SERINC5: variants seen among roughly 807,000 people sequenced by gnomAD.
SERINC5 encodes the protein serine incorporator 5.
In SERINC5, 41 loss-of-function variants were observed where a neutral mutation model predicts 63.1. That is an observed-to-expected ratio of 0.65 (90% CI 0.51 to 0.84). SERINC5 has a LOEUF of 0.84. Ranked by LOEUF, SERINC5 falls within the 40% of genes least tolerant of loss-of-function variation. The probability of loss-of-function intolerance (pLI) is 0.00; values close to 1 mark genes in which losing one functional copy is unlikely to be tolerated. For missense variants in SERINC5, 523 were observed against 573.0 expected (o/e 0.91, Z 0.89); for synonymous variants, 222 against 215.2 (o/e 1.03, Z -0.28).
At chr5:80,124,184 T>A (rs1744652039) in intron 11 of SERINC5, among the ~76,000 whole-genome samples, 1 of 152,136 alleles carries the variant, frequency 6.6e-6, no homozygotes, top group Admixed American at 6.5e-5. Flanking sequence ...AGGACTCGAT[T>A]AATAAACTGA....
intron 1 of SERINC5, among the ~76,000 whole-genome samples, chr5:80,224,340 G>C (rs375165358): frequency 4.6e-5 from 7 of 151,888 alleles, no homozygotes; most frequent in African/African-American, 1.7e-4. Context: ...AGCCAGGCTT[G>C]GTGGCACACG....
intron 2 of SERINC5, among the ~76,000 whole-genome samples, chr5:80,195,430 T>C (rs1487872089): frequency 6.6e-6 from 1 of 152,180 alleles, no homozygotes; most frequent in Non-Finnish European, 1.5e-5. Context: ...GTTTTCTCTG[T>C]AGAACACTTA....
intron 5 of SERINC5, among the ~76,000 whole-genome samples, chr5:80,170,985 G>T (rs993732032): frequency 1.3e-5 from 2 of 152,136 alleles, no homozygotes; most frequent in Non-Finnish European, 2.9e-5. Flanking sequence ...TCCAGTTTGG[G>T]CAAGAGTAAG....
chr5:80,234,286 G>A (rs1486254822), intron 1 of SERINC5, among the ~76,000 whole-genome samples: 2 of 152,102 alleles, frequency 1.3e-5, no homozygotes, highest in Non-Finnish European at 2.9e-5. Context: ...TTTAATCTTA[G>A]CACCATTGTT....
chr5:80,225,705 C>T (rs1008359288), intron 1 of SERINC5, among the ~76,000 whole-genome samples: 2 of 152,150 alleles, frequency 1.3e-5, no homozygotes, highest in Admixed American at 6.6e-5. Context: ...AGGGTTATCC[C>T]ATGCACCTGT....
intron 2 of SERINC5, among the ~76,000 whole-genome samples, chr5:80,180,123 TATTCTAG>T (rs1481668553): frequency 1.3e-5 from 2 of 152,354 alleles, no homozygotes; most frequent in Non-Finnish European, 2.9e-5. Context: ...GACAATAGCT[TATTCTAG>T]CCAAATTAGA....
chr5:80,203,602 A>T (rs1749993529), intron 1 of SERINC5, among the ~76,000 whole-genome samples: 1 of 152,130 alleles, frequency 6.6e-6, no homozygotes. Context: ...CATGACCAGG[A>T]AAAAAGAAAA....
chr5:80,152,705 C>T lies in SERINC5; in HGVS notation c.987-1757G>A, dbSNP rs552612269. 3.8e-4 allele frequency among the ~76,000 whole-genome samples: 58 copies of T among 152,262 alleles called. No homozygotes were observed. The South Asian group carries it at 8.7e-3, about 23-fold the overall frequency. The stretch of plus-strand genomic sequence containing the variant: ...CCTGTAATCCCAGCACTTTGGGAGG[C>T]CAAGGCGGGTGGATCCCTTGAGGTC... On this transcript the variant is annotated intron_variant, in intron 8 of 11. Coordinates refer to ENST00000507668, the MANE Select transcript of SERINC5 (RefSeq NM_001174072.3).
chr5:80,242,779 C>T (rs369760484), intron 1 of SERINC5, among the ~76,000 whole-genome samples: 5 of 151,944 alleles, frequency 3.3e-5, no homozygotes, highest in South Asian at 2.1e-4. Context: ...AAAAAGTAAC[C>T]GGGCGTGGTG....
At chr5:80,211,161 G>A (rs1398514837) in intron 1 of SERINC5, among the ~76,000 whole-genome samples, 2 of 152,216 alleles carry the variant, frequency 1.3e-5, no homozygotes, top group African/African-American at 2.4e-5. Context: ...ACCAAAAGGA[G>A]AAGCCAGAAC....
At chr5:80,208,190 CTAATG>C (rs1750261175) in intron 1 of SERINC5, among the ~76,000 whole-genome samples, 1 of 151,894 alleles carries the variant, frequency 6.6e-6, no homozygotes. Flanking sequence ...AGAGGGAATG[CTAATG>C]TAAACCATGG....
At chr5:80,168,830 G>A (rs2112382490) in intron 6 of SERINC5, among the ~76,000 whole-genome samples, 1 of 152,340 alleles carries the variant, frequency 6.6e-6, no homozygotes, top group South Asian at 2.1e-4. Context: ...TACTGAGGAA[G>A]AACCTGGGTC....
chr5:80,202,579 T>C (rs7727507), intron 2 of SERINC5, among the ~76,000 whole-genome samples: 21,840 of 152,026 alleles, frequency 0.14, 1,701 homozygotes, highest in African/African-American at 0.19. Context: ...CATAGCAAAA[T>C]TGCACTTGTA....
rs963417153 is a variant in SERINC5 at position 80,220,629 on chromosome 5, G to A, written c.28-17576C>T. 3.3e-5 allele frequency among the ~76,000 whole-genome samples: 5 copies of A among 152,182 alleles called. No homozygotes were observed. In the East Asian group the frequency reaches 9.6e-4, roughly 29 times the overall value. ...GGCCTCAACACTCAGGGAGCCCCAA[G>A]TGGAGAGCTAGTTTGGGGCCAGGAC... On this transcript the variant is annotated intron_variant, in intron 1 of 11. Coordinates refer to ENST00000507668, the MANE Select transcript of SERINC5 (RefSeq NM_001174072.3).
At chr5:80,187,945 AC>A (rs1748927645) in intron 2 of SERINC5, among the ~76,000 whole-genome samples, 1 of 152,208 alleles carries the variant, frequency 6.6e-6, no homozygotes, top group Non-Finnish European at 1.5e-5. Context: ...CAGATGCAGA[AC>A]AGGATTCAAC....
At chr5:80,227,228 A>G (rs1379909886) in intron 1 of SERINC5, among the ~76,000 whole-genome samples, 2 of 152,222 alleles carry the variant, frequency 1.3e-5, no homozygotes, top group Non-Finnish European at 2.9e-5. Context: ...AAAAAATTTT[A>G]TAAGCTATAC....
chr5:80,177,674 A>G (rs1266423723), intron 3 of SERINC5, among the ~76,000 whole-genome samples: 2 of 152,186 alleles, frequency 1.3e-5, no homozygotes, highest in Non-Finnish European at 2.9e-5. Flanking sequence ...CTTTGTCTTG[A>G]GTAAATTTCG....
Position 80,255,910 on chromosome 5 carries a change from A to T in SERINC5, c.13T>A (p.Cys5Ser). Reference protein sequence around the residue: MSAQCCAGQLACCCG... With the variant: MSAQSCAGQLACCCG... ...GCCTCGCTCACCTGGCCCGCACAGC[A>T]CTGAGCTGACATCGCGGCGGCCAAT... is the stretch of plus-strand genomic sequence containing the variant. Residue 5 changes from cysteine (C) to serine (S), a missense_variant, in exon 1 of 12, where the codon TGC becomes AGC. Physicochemically the swap from Cys to Ser is moderately radical, Grantham distance 112 (BLOSUM62 -1). Transcript: ENST00000507668. 6.3e-7 allele frequency: 1 copy of T among 1,576,194 alleles called. No homozygotes were observed.
Position 80,139,019 on chromosome 5 carries a change from C to T in SERINC5, c.*4644G>A. ...TTAAAAAACAAATAGAAATCCATGA[C>T]TAAAGGGGGAAAATAACTTTCAAAA... is the stretch of plus-strand genomic sequence containing the variant. On this transcript the variant is annotated 3_prime_UTR_variant, in exon 12 of 12. Coordinates refer to ENST00000507668, the MANE Select transcript of SERINC5 (RefSeq NM_001174072.3). 3 of 982,310 alleles carry T rather than the reference C, an allele frequency of 3.1e-6. No individual in the cohort carries two copies. The highest frequency in any genetic ancestry group is 3.6e-6 in the Non-Finnish European group (3 of 827,228). The allele number at this position is 982,310 out of a possible 1,614,324, so 60.8% of individuals were successfully genotyped here.
Sources: gnomAD v4.1 joint callset for allele counts (sites outside exome capture counted in the v4.1 genomes callset) on GRCh38, gnomAD v4.1.1 for gene constraint, MANE v1.5 for transcripts, NCBI Gene and HGNC (gene_info 2026-07-23, HGNC 2026-07-21) for gene names.